The following WDR64 variants were observed in gnomAD, a reference collection of about 807,000 sequenced individuals.
The protein encoded by WDR64 is WD repeat domain 64.
In WDR64, 112 loss-of-function variants were observed where a neutral mutation model predicts 139.3. The observed-to-expected ratio is 0.80, with a 90% CI of 0.69 to 0.94. The LOEUF (loss-of-function observed/expected upper bound fraction) is 0.94. Among genes scored for constraint, WDR64 ranks in the 40% least tolerant of loss-of-function variants. The pLI is 0.00. For synonymous variants in WDR64, 444 were observed against 437.7 expected (o/e 1.01, Z -0.18); for missense variants, 1,206 against 1,293.1 (o/e 0.93, Z 1.03).
chr1:241,779,891 A>G, intron 21 of WDR64, 113 bp from the exon 22 acceptor site: 1 of 658,534 alleles, frequency 1.5e-6, no homozygotes, highest in Non-Finnish European at 2.5e-6. Flanking sequence ...CTGTTTTCTC[A>G]GGTTCTGTTT....
At chr1:241,742,153 G>T (rs920485531) in intron 12 of WDR64, among the ~76,000 whole-genome samples, 1 of 152,160 alleles carries the variant, frequency 6.6e-6, no homozygotes, top group South Asian at 2.1e-4. Context: ...GGAAATCAGG[G>T]CTTAGAGAGA....
intron 8 of WDR64, among the ~76,000 whole-genome samples, chr1:241,704,671 T>G (rs1302759451): frequency 6.6e-6 from 1 of 152,188 alleles, no homozygotes; most frequent in Non-Finnish European, 1.5e-5. Context: ...CTTAAGAAAC[T>G]GAAATTTTTA....
At chr1:241,729,730 T>G (rs539528685) in intron 10 of WDR64, among the ~76,000 whole-genome samples, 1 of 152,236 alleles carries the variant, frequency 6.6e-6, no homozygotes, top group Non-Finnish European at 1.5e-5. Context: ...AACCTGGAGA[T>G]AGAAAAACTA....
chr1:241,742,216 T>C (rs150210597), intron 12 of WDR64, among the ~76,000 whole-genome samples: 1 of 151,990 alleles, frequency 6.6e-6, no homozygotes, highest in Non-Finnish European at 1.5e-5. Context: ...ACCCAAGTTT[T>C]TCTGATGTAA....
At chr1:241,786,027 C>G (rs761798827) in intron 23 of WDR64, among the ~76,000 whole-genome samples, 1 of 152,188 alleles carries the variant, frequency 6.6e-6, no homozygotes, top group Non-Finnish European at 1.5e-5. Flanking sequence ...AGAATTGTTC[C>G]GAAGTTAGCC....
rs183286882 is a variant in WDR64 at position 241,744,936 on chromosome 1, A to G, written c.1594+420A>G. Among the ~76,000 whole-genome samples the G allele has an allele frequency of 2.7e-3, 417 of 152,318 alleles. 4 individuals carry two copies. The highest frequency in any genetic ancestry group is 1.9e-3 in the Non-Finnish European group (127 of 68,026). On this transcript the variant is annotated intron_variant, in intron 13 of 27. Coordinates refer to ENST00000437684, the MANE Select transcript of WDR64 (RefSeq NM_001367482.1). The stretch of plus-strand genomic sequence containing the variant: ...CAAAACATCCAGCCAACTTTGTCAC[A>G]TTACTCCTATATTGGAATTCTATAT...
intron 7 of WDR64, among the ~76,000 whole-genome samples, chr1:241,685,000 GC>G (rs1376058181): frequency 6.6e-6 from 1 of 151,914 alleles, no homozygotes; most frequent in African/African-American, 2.4e-5. Flanking sequence ...TTTGTGATCT[GC>G]CCGCCTCGGC....
chr1:241,691,882 G>A (rs1667311957), intron 8 of WDR64, among the ~76,000 whole-genome samples: 1 of 151,976 alleles, frequency 6.6e-6, no homozygotes, highest in Non-Finnish European at 1.5e-5. Flanking sequence ...GCATGATGGT[G>A]GGTGCCTATA....
chr1:241,785,147 G>T (rs372960844), intron 23 of WDR64, among the ~76,000 whole-genome samples: 39 of 151,944 alleles, frequency 2.6e-4, no homozygotes, highest in Admixed American at 2.3e-3. Flanking sequence ...GCACACACAT[G>T]GCACAACCAC....
chr1:241,709,975 G>A (rs1220657703), intron 8 of WDR64, among the ~76,000 whole-genome samples: 1 of 150,908 alleles, frequency 6.6e-6, no homozygotes, highest in Non-Finnish European at 1.5e-5. Flanking sequence ...TTTAAAATAC[G>A]ATTTAGACAG....
At position 241,749,745 on chromosome 1, in the gene WDR64, C is replaced by T. The variant is rs201191727; in HGVS notation, c.1770+23C>T. On this transcript the variant is annotated intron_variant, in intron 14 of 27. Transcript: ENST00000437684. ...CAGGTTTACAATCCCACTTCATACT[C>T]GTACTGCAGGTGCCCTTTTTGGGAA... 925 of 1,583,286 alleles carry T rather than the reference C, an allele frequency of 5.8e-4. 2 individuals carry two copies. The highest frequency in any genetic ancestry group is 7.6e-4 in the Non-Finnish European group (891 of 1,167,758).
At chr1:241,684,509 T>A (rs946668789) in intron 7 of WDR64, among the ~76,000 whole-genome samples, 2 of 152,236 alleles carry the variant, frequency 1.3e-5, no homozygotes, top group African/African-American at 2.4e-5. Context: ...TCTTCCTTAT[T>A]TATCATAGAA....
At chr1:241,707,670 G>A (rs546717097) in intron 8 of WDR64, among the ~76,000 whole-genome samples, 48 of 151,972 alleles carry the variant, frequency 3.2e-4, no homozygotes, top group Non-Finnish European at 5.9e-4. Context: ...GGACCACTGC[G>A]ATAGGCTGTG....
At position 241,679,657 on chromosome 1, in the gene WDR64, G is replaced by A. The variant is rs866971496; in HGVS notation, c.624+62G>A. The A allele has an allele frequency of 5.2e-6, 7 of 1,355,756 alleles. No individual in the cohort carries two copies. In the Middle Eastern group the frequency reaches 9.0e-4, roughly 174 times the overall value. The allele number at this position is 1,355,756 out of a possible 1,614,324, so 84.0% of individuals were successfully genotyped here. A position where few individuals can be genotyped will look rare whatever the true frequency, so the allele number is the denominator to read the frequency against. ...TGTCTTTTCAGTAGTGGTACGATAT[G>A]AGCAATCCACTTTCTCTATTGAACA... On this transcript the variant is annotated intron_variant, in intron 6 of 27. Coordinates refer to ENST00000437684, the MANE Select transcript of WDR64 (RefSeq NM_001367482.1).
chr1:241,748,253 T>C (rs1669838090), intron 13 of WDR64, among the ~76,000 whole-genome samples: 1 of 152,220 alleles, frequency 6.6e-6, no homozygotes, highest in Non-Finnish European at 1.5e-5. Flanking sequence ...GAAAACCTCC[T>C]GGGCTCAGAC....
chr1:241,744,492 C>A lies in WDR64; in HGVS notation c.1570C>A (p.Leu524Ile), dbSNP rs777137576. 3 of 1,614,062 alleles carry A rather than the reference C, an allele frequency of 1.9e-6. No individual in the cohort carries two copies. Among genetic ancestry groups the A allele is most frequent in the Non-Finnish European group, 2.5e-6 (3 of 1,179,976 alleles). The part of the protein sequence containing the change: ...TSAAVDESGF[L>I]FATGAYNGTV... ...TGCAGCTGTCGATGAAAGTGGATTTCTTTTTGCCACAGGAGCGTATAATGG... is the reference window on the plus strand; with the variant it reads ...TGCAGCTGTCGATGAAAGTGGATTTATTTTTGCCACAGGAGCGTATAATGG... The change falls in exon 13 of 28, where the codon CTT becomes ATT. Residue 524 changes from leucine (L) to isoleucine (I), a missense_variant. Coordinates refer to ENST00000437684, the MANE Select transcript of WDR64 (RefSeq NM_001367482.1).
chr1:241,691,504 A>T (rs943488353), intron 8 of WDR64, among the ~76,000 whole-genome samples: 6 of 152,204 alleles, frequency 3.9e-5, no homozygotes, highest in Non-Finnish European at 5.9e-5. Flanking sequence ...ATCAAAAGAA[A>T]ACAGGAGTTA....
At chr1:241,734,568 A>G (rs1487740414) in intron 10 of WDR64, among the ~76,000 whole-genome samples, 1 of 152,188 alleles carries the variant, frequency 6.6e-6, no homozygotes. Flanking sequence ...GAAGCCATAT[A>G]AATTCCTATT....
rs554474965 is a variant in WDR64, at chr1:241,786,947, A to T, written c.2706-902A>T. On this transcript the variant is annotated intron_variant, in intron 23 of 27. Coordinates refer to ENST00000437684, the MANE Select transcript of WDR64 (RefSeq NM_001367482.1). Reference sequence around the variant, plus strand: ...CTTAGCAACCAAATGCAGTTTTATTATCCTGAAATAACACTGCCCATTTGT... The same window carrying T: ...CTTAGCAACCAAATGCAGTTTTATTTTCCTGAAATAACACTGCCCATTTGT... 1.2e-4 allele frequency among the ~76,000 whole-genome samples: 19 copies of T among 152,326 alleles called. No individual in the cohort carries two copies. The South Asian group carries it at 3.9e-3, about 32-fold the overall frequency.
Sources: allele counts gnomAD v4.1 joint callset (sites outside exome capture counted in the v4.1 genomes callset), GRCh38; gene constraint gnomAD v4.1.1; transcripts MANE v1.5; gene names NCBI Gene and HGNC (gene_info 2026-07-23, HGNC 2026-07-21).